MCTP2: variants seen among roughly 807,000 people sequenced by gnomAD.
MCTP2 encodes the protein multiple C2 and transmembrane domain-containing protein 2.
In MCTP2, 132 loss-of-function variants were observed where a neutral mutation model predicts 111.6. That is an observed-to-expected ratio of 1.18 (90% CI 1.03 to 1.37). The LOEUF (loss-of-function observed/expected upper bound fraction) is 1.37, where lower values mean the gene tolerates loss of function less well. Among genes scored for constraint, MCTP2 ranks in the 40% most tolerant of loss-of-function variants. The probability of loss-of-function intolerance (pLI) is 0.00; values close to 1 mark genes in which losing one functional copy is unlikely to be tolerated. For synonymous variants in MCTP2, 395 were observed against 387.7 expected (o/e 1.02, Z -0.22); for missense variants, 1,183 against 1,067.9 (o/e 1.11, Z -1.50).
At chr15:94,355,867 G>C (rs965857085) in intron 8 of MCTP2, 17 of 983,734 alleles carry the variant, frequency 1.7e-5, no homozygotes, top group Middle Eastern at 9.7e-4. Flanking sequence ...TCCCACCAAA[G>C]AGCGCATCTG....
intron 12 of MCTP2, among the ~76,000 whole-genome samples, chr15:94,377,855 C>T (rs762212594): frequency 7.9e-5 from 12 of 151,932 alleles, no homozygotes; most frequent in Non-Finnish European, 1.5e-4. Context: ...GAGTTGGCAC[C>T]GCAGAGAAGA....
chr15:94,370,008 G>C, intron 11 of MCTP2, 79 bp from the exon 12 acceptor site: 1 of 770,346 alleles, frequency 1.3e-6, no homozygotes, highest in Non-Finnish European at 2.0e-6. Flanking sequence ...AATCTAGGAT[G>C]CACTTCCTAT....
Position 94,326,881 on chromosome 15 carries a change from C to T in MCTP2, c.637+11244C>T, listed in dbSNP as rs1192094681. Among the ~76,000 whole-genome samples the T allele has an allele frequency of 5.4e-5, 8 of 148,766 alleles. 1 individual carries two copies. The Admixed American group carries it at 5.4e-4, about 10-fold the overall frequency. On this transcript the variant is annotated intron_variant, in intron 4 of 22. Coordinates refer to ENST00000357742, the MANE Select transcript of MCTP2 (RefSeq NM_001385001.1). ...ACAGGCATTAGCCACCGTGCCTAGC[C>T]ATATCTTTGTTAATTTGATAGAAGG...
In MCTP2 at chr15:94,243,515, G is replaced by A. The variant is rs1454890617; in HGVS notation, c.-66+11851G>A. 2.1e-4 allele frequency among the ~76,000 whole-genome samples: 29 copies of A among 138,680 alleles called. 3 individuals are homozygous for A. Among genetic ancestry groups the A allele is most frequent in the South Asian group, 2.3e-4 (1 of 4,442 alleles). 91.0% of individuals were successfully genotyped at this position (138,680 alleles called of 152,430 possible). On this transcript the variant is annotated intron_variant, in intron 1 of 22. Transcript: ENST00000357742. ...TATGCGTACATATGTATGCGTATAT[G>A]CGTATGTACACACATACGTATGCGT...
intron 19 of MCTP2, among the ~76,000 whole-genome samples, chr15:94,445,205 G>A (rs1029299344): frequency 6.6e-6 from 1 of 152,196 alleles, no homozygotes; most frequent in African/African-American, 2.4e-5. Context: ...CATACCAGTT[G>A]TGCCAACCTG....
At chr15:94,250,872 TGTTG>T (rs1467042179) in intron 1 of MCTP2, among the ~76,000 whole-genome samples, 1 of 152,138 alleles carries the variant, frequency 6.6e-6, no homozygotes, top group Non-Finnish European at 1.5e-5. Context: ...TGTGAATTGG[TGTTG>T]GGTATTTATA....
At chr15:94,349,226 G>A (rs1174753480) in intron 8 of MCTP2, among the ~76,000 whole-genome samples, 1 of 152,048 alleles carries the variant, frequency 6.6e-6, no homozygotes, top group Non-Finnish European at 1.5e-5. Context: ...CCTTGTTTAG[G>A]TGAAGCTATC....
intron 17 of MCTP2, among the ~76,000 whole-genome samples, chr15:94,431,083 G>C (rs536396870): frequency 1.3e-5 from 2 of 152,080 alleles, no homozygotes; most frequent in African/African-American, 2.4e-5. Context: ...CTACATAAAG[G>C]CTGCTTTTGG....
rs1201748064 is a variant in MCTP2, at chr15:94,349,819, G to GA, written c.1005+4672dup. On this transcript the variant is annotated intron_variant, in intron 8 of 22. Coordinates refer to ENST00000357742, the MANE Select transcript of MCTP2 (RefSeq NM_001385001.1). ...TGGGCAACACAGCGGGACTCTGTCTGAAAAAAAAAAAAAAAAAGACTGGAA... is the reference window on the plus strand; with the variant it reads ...TGGGCAACACAGCGGGACTCTGTCTGAAAAAAAAAAAAAAAAAAGACTGGAA... Among the ~76,000 whole-genome samples, 613 of 126,506 alleles carry GA rather than the reference G, an allele frequency of 4.8e-3. 4 individuals carry two copies. Among genetic ancestry groups the GA allele is most frequent in the African/African-American group, 6.7e-3 (230 of 34,122 alleles). 83.0% of individuals were successfully genotyped at this position (126,506 alleles called of 152,430 possible). A position where few individuals can be genotyped will look rare whatever the true frequency, so the allele number is the denominator to read the frequency against.
chr15:94,364,545 G>C (rs1348960476), intron 10 of MCTP2, among the ~76,000 whole-genome samples: 1 of 152,090 alleles, frequency 6.6e-6, no homozygotes, highest in East Asian at 1.9e-4. Context: ...AGGTGTCTTT[G>C]ATTAATGTAT....
rs530630897 is a variant in MCTP2 at position 94,481,177 on chromosome 15, C to A, written c.*2143C>A. 3 of 152,214 alleles carry A rather than the reference C, an allele frequency of 2.0e-5. No individual in the cohort carries two copies. The South Asian group carries it at 6.2e-4, about 32-fold the overall frequency. 9.4% of individuals were successfully genotyped at this position (152,214 alleles called of 1,614,324 possible). On this transcript the variant is annotated 3_prime_UTR_variant, in exon 23 of 23. Coordinates refer to ENST00000357742, the MANE Select transcript of MCTP2 (RefSeq NM_001385001.1). Reference sequence around the variant, plus strand: ...AGTCTTGCCAAGTTTTCCTGGTTCCCTTCTCAAACTTTATCTTCCCATTTC... The same window carrying A: ...AGTCTTGCCAAGTTTTCCTGGTTCCATTCTCAAACTTTATCTTCCCATTTC...
At chr15:94,244,608 G>C (rs895266327) in intron 1 of MCTP2, among the ~76,000 whole-genome samples, 1 of 145,602 alleles carries the variant, frequency 6.9e-6, no homozygotes, top group African/African-American at 2.6e-5. Context: ...GTTTATATAC[G>C]TATATGTATA....
At chr15:94,475,282 G>A (rs546367028) in intron 21 of MCTP2, among the ~76,000 whole-genome samples, 4 of 152,256 alleles carry the variant, frequency 2.6e-5, no homozygotes, top group African/African-American at 9.6e-5. Context: ...AGGGAAAGGC[G>A]ATCATTTGCT....
At chr15:94,436,196 A>G (rs964850850) in intron 17 of MCTP2, among the ~76,000 whole-genome samples, 17 of 152,110 alleles carry the variant, frequency 1.1e-4, no homozygotes, top group Middle Eastern at 3.2e-3. Context: ...TTCAGAAGTA[A>G]TGGTAAATTT....
At chr15:94,467,513 G>A (rs746639610) in intron 20 of MCTP2, among the ~76,000 whole-genome samples, 8 of 151,890 alleles carry the variant, frequency 5.3e-5, no homozygotes, top group Non-Finnish European at 1.2e-4. Context: ...ATGTAGCTTT[G>A]AGCCCGCGGG....
chr15:94,434,405 C>A (rs569377115), intron 17 of MCTP2, among the ~76,000 whole-genome samples: 2 of 151,606 alleles, frequency 1.3e-5, no homozygotes, highest in African/African-American at 4.9e-5. Context: ...TTTTCTATTA[C>A]TCTTTATATT....
At chr15:94,338,347 T>C (rs1166685843) in intron 4 of MCTP2, among the ~76,000 whole-genome samples, 1 of 152,210 alleles carries the variant, frequency 6.6e-6, no homozygotes, top group Non-Finnish European at 1.5e-5. Flanking sequence ...TATCTCCTCA[T>C]TGATTGCTCA....
chr15:94,237,487 G>C (rs2070654401), intron 1 of MCTP2, among the ~76,000 whole-genome samples: 1 of 151,850 alleles, frequency 6.6e-6, no homozygotes, highest in Non-Finnish European at 1.5e-5. Flanking sequence ...AAGGGGTCTG[G>C]GGACTCATGC....
intron 1 of MCTP2, among the ~76,000 whole-genome samples, chr15:94,243,414 C>G (rs1282841925): frequency 6.9e-6 from 1 of 144,892 alleles, no homozygotes; most frequent in African/African-American, 2.6e-5. Context: ...TACATACATA[C>G]GTATGCGTAT....
Sources: allele counts gnomAD v4.1 joint callset (sites outside exome capture counted in the v4.1 genomes callset), GRCh38; gene constraint gnomAD v4.1.1; transcripts MANE v1.5; gene names NCBI Gene and HGNC (gene_info 2026-07-23, HGNC 2026-07-21).